The following BMPR1B variants were observed in gnomAD, a reference collection of about 807,000 sequenced individuals.
The protein encoded by BMPR1B is bone morphogenetic protein receptor type-1B.
BMPR1B carries 12 observed loss-of-function variants against 59.1 expected under a neutral mutation model. The ratio of observed to expected loss-of-function variants is 0.20; its 90% CI spans 0.13 to 0.33. BMPR1B has a LOEUF of 0.33. Ranked by LOEUF, BMPR1B falls within the 10% of genes least tolerant of loss-of-function variation. BMPR1B has a pLI of 1.00. For missense variants in BMPR1B, 550 were observed against 610.9 expected, an observed-to-expected ratio of 0.90 and a Z score of 1.05; for synonymous variants, 237 against 207.3, an observed-to-expected ratio of 1.14 and a Z score of -1.23.
intron 1 of BMPR1B, among the ~76,000 whole-genome samples, chr4:94,774,216 A>G (rs1456766130): frequency 2.6e-5 from 4 of 152,106 alleles, no homozygotes; most frequent in African/African-American, 9.6e-5. Flanking sequence ...CAAGCTAACT[A>G]AAATACAATT....
At chr4:95,132,132 CAGAG>C in intron 10 of BMPR1B, among the ~76,000 whole-genome samples, 1 of 152,142 alleles carries the variant, frequency 6.6e-6, no homozygotes, top group Non-Finnish European at 1.5e-5. Flanking sequence ...TTACTTTAAT[CAGAG>C]AGGCTCCTTC....
intron 1 of BMPR1B, among the ~76,000 whole-genome samples, chr4:94,821,098 A>G (rs1370203881): frequency 6.6e-6 from 1 of 152,208 alleles, no homozygotes; most frequent in Non-Finnish European, 1.5e-5. Context: ...TTACACATAT[A>G]TTTCACAACT....
At chr4:95,041,160 C>T (rs1045003301) in intron 3 of BMPR1B, among the ~76,000 whole-genome samples, 1 of 152,206 alleles carries the variant, frequency 6.6e-6, no homozygotes, top group Non-Finnish European at 1.5e-5. Flanking sequence ...GATCCTCCCA[C>T]CTCAGCCTCC....
At chr4:95,027,462 T>C (rs969106821) in intron 3 of BMPR1B, among the ~76,000 whole-genome samples, 2 of 152,194 alleles carry the variant, frequency 1.3e-5, no homozygotes, top group Non-Finnish European at 2.9e-5. Flanking sequence ...ATTATTCATC[T>C]TTCCTTTTGA....
At chr4:94,858,624 G>T (rs1446774293) in intron 1 of BMPR1B, among the ~76,000 whole-genome samples, 1 of 152,130 alleles carries the variant, frequency 6.6e-6, no homozygotes, top group Non-Finnish European at 1.5e-5. Context: ...TTGAGTCTAA[G>T]AAGAGTGAAA....
chr4:95,019,321 AATATT>A (rs1323806692), intron 3 of BMPR1B, among the ~76,000 whole-genome samples: 1 of 152,192 alleles, frequency 6.6e-6, no homozygotes, highest in Non-Finnish European at 1.5e-5. Context: ...AATGGATAAA[AATATT>A]AGAATAATGT....
chr4:95,070,143 CTG>C (rs1237445957), intron 3 of BMPR1B, among the ~76,000 whole-genome samples: 2 of 152,038 alleles, frequency 1.3e-5, no homozygotes, highest in African/African-American at 4.8e-5. Flanking sequence ...CAAACAAAAA[CTG>C]TAATCTTAGC....
At chr4:94,814,366 CATT>C (rs1723932585) in intron 1 of BMPR1B, among the ~76,000 whole-genome samples, 1 of 152,146 alleles carries the variant, frequency 6.6e-6, no homozygotes, top group South Asian at 2.1e-4. Flanking sequence ...CTGACATAAA[CATT>C]ATGCTTACTA....
chr4:95,005,188 C>A (rs1241913946), intron 3 of BMPR1B, among the ~76,000 whole-genome samples: 1 of 152,106 alleles, frequency 6.6e-6, no homozygotes, highest in Non-Finnish European at 1.5e-5. Context: ...TTTGTGCTAA[C>A]ATGATTTCAT....
intron 3 of BMPR1B, among the ~76,000 whole-genome samples, chr4:95,026,500 T>G (rs1352780742): frequency 6.6e-6 from 1 of 152,070 alleles, no homozygotes; most frequent in Admixed American, 6.6e-5. Flanking sequence ...TGAAAAAAAG[T>G]GCTTTAATAT....
intron 3 of BMPR1B, among the ~76,000 whole-genome samples, chr4:95,058,177 AT>A (rs1403389304): frequency 6.6e-6 from 1 of 152,206 alleles, no homozygotes; most frequent in African/African-American, 2.4e-5. Flanking sequence ...TGCATTTATG[AT>A]TTCTGAACAG....
chr4:95,138,350 C>T (rs545998329), intron 10 of BMPR1B, among the ~76,000 whole-genome samples: 45 of 152,272 alleles, frequency 3.0e-4, no homozygotes, highest in African/African-American at 1.0e-3. Context: ...TTTTTTCCTT[C>T]ATTTCAATTT....
At chr4:94,874,794 C>T (rs1379651989) in intron 1 of BMPR1B, among the ~76,000 whole-genome samples, 1 of 152,032 alleles carries the variant, frequency 6.6e-6, no homozygotes, top group East Asian at 1.9e-4. Flanking sequence ...GAGTTCGAGA[C>T]CAGCCTGACC....
intron 2 of BMPR1B, among the ~76,000 whole-genome samples, chr4:94,937,707 A>AACACACACACACACACAGACACACACAC (rs67140382): frequency 2.6e-5 from 4 of 151,196 alleles, no homozygotes; most frequent in South Asian, 4.2e-4. Flanking sequence ...TATATGTATA[A>AACACACACACACACACAGACACACACAC]ACACACACAC....
chr4:95,008,876 T>G (rs1723031952), intron 3 of BMPR1B, among the ~76,000 whole-genome samples: 1 of 152,060 alleles, frequency 6.6e-6, no homozygotes, highest in African/African-American at 2.4e-5. Flanking sequence ...TCATTAATAA[T>G]TAAAGAACAA....
intron 4 of BMPR1B, among the ~76,000 whole-genome samples, chr4:95,111,185 T>C (rs1297227468): frequency 1.3e-5 from 2 of 152,112 alleles, no homozygotes; most frequent in African/African-American, 4.8e-5. Flanking sequence ...TATAATGCTT[T>C]CAAATTTCCT....
chr4:95,018,736 A>G (rs1723762439), intron 3 of BMPR1B, among the ~76,000 whole-genome samples: 1 of 152,150 alleles, frequency 6.6e-6, no homozygotes, highest in Admixed American at 6.5e-5. Flanking sequence ...AAAACTGACA[A>G]ACAAACCAGC....
intron 2 of BMPR1B, among the ~76,000 whole-genome samples, chr4:94,879,725 A>G (rs1297503950): frequency 6.6e-6 from 1 of 152,164 alleles, no homozygotes; most frequent in Non-Finnish European, 1.5e-5. Flanking sequence ...CCATTATTAT[A>G]GAATTAGAAG....
intron 3 of BMPR1B, among the ~76,000 whole-genome samples, chr4:95,083,876 A>G (rs772069165): frequency 3.3e-5 from 5 of 152,136 alleles, no homozygotes; most frequent in African/African-American, 9.7e-5. Context: ...CTATATTTTT[A>G]TGTAATTAAA....
Sources: gnomAD v4.1 joint callset for allele counts (sites outside exome capture counted in the v4.1 genomes callset) on GRCh38, gnomAD v4.1.1 for gene constraint, MANE v1.5 for transcripts, NCBI Gene and HGNC (gene_info 2026-07-23, HGNC 2026-07-21) for gene names.